Variants in KCNQ1 observed in about 807,000 individuals in gnomAD.
The protein encoded by KCNQ1 is potassium voltage-gated channel subfamily KQT member 1.
In KCNQ1, 49 loss-of-function variants were observed where a neutral mutation model predicts 72.4. The observed-to-expected ratio is 0.68, with a 90% CI of 0.54 to 0.86. The LOEUF (loss-of-function observed/expected upper bound fraction) is 0.86, where lower values mean the gene tolerates loss of function less well. Among genes scored for constraint, KCNQ1 ranks in the 40% least tolerant of loss-of-function variants. KCNQ1 has a pLI of 0.00. For synonymous variants in KCNQ1, 450 were observed against 412.6 expected (o/e 1.09, Z -1.10); for missense variants, 790 against 945.1 (o/e 0.84, Z 2.15).
At chr11:2,797,235 C>T (rs975434153) in intron 15 of KCNQ1, among the ~76,000 whole-genome samples, 11 of 152,152 alleles carry the variant, frequency 7.2e-5, no homozygotes, top group East Asian at 1.9e-4. Context: ...GGCCGGGCAG[C>T]GCTGGCCCCA....
intron 15 of KCNQ1, among the ~76,000 whole-genome samples, chr11:2,833,558 C>T (rs529663366): frequency 2.0e-5 from 3 of 152,336 alleles, no homozygotes; most frequent in East Asian, 1.9e-4. Context: ...ACTGCTGCCC[C>T]GCCAGCAACC....
At chr11:2,801,472 C>T (rs1213128267) in intron 15 of KCNQ1, among the ~76,000 whole-genome samples, 2 of 152,218 alleles carry the variant, frequency 1.3e-5, no homozygotes, top group South Asian at 4.1e-4. Flanking sequence ...AGGGTCGGCT[C>T]CTGGTGAGGG....
intron 15 of KCNQ1, among the ~76,000 whole-genome samples, chr11:2,791,514 T>C (rs1347797691): frequency 1.3e-5 from 2 of 151,796 alleles, no homozygotes; most frequent in East Asian, 3.9e-4. Flanking sequence ...CCATCAAAAA[T>C]AGATGTCCCG....
At chr11:2,650,381 A>G in intron 10 of KCNQ1, 2 of 398,564 alleles carry the variant, frequency 5.0e-6, no homozygotes, top group Non-Finnish European at 8.8e-6. Context: ...AATAACAGAG[A>G]CTTCCAATTT....
intron 2 of KCNQ1, among the ~76,000 whole-genome samples, 161 bp from the exon 3 acceptor site, chr11:2,570,467 C>T (rs1315825287): frequency 8.5e-5 from 13 of 152,318 alleles, no homozygotes; most frequent in East Asian, 5.8e-4. Flanking sequence ...GGCCTCTGTG[C>T]GCAGGCATCA....
At position 2,659,394 on chromosome 11, in the gene KCNQ1, A is replaced by G. The variant is rs1354858646; in HGVS notation, c.1394-2567A>G. On this transcript the variant is annotated intron_variant, in intron 10 of 15. Transcript: ENST00000155840. The surrounding 1 kb of genome is among the most constrained non-coding windows in gnomAD (Gnocchi z 4.3). ...ATCTGGCTTCTTTCACTGCTTAGCA[A>G]AATGCATTTGAGATTCATCCATGTT... The G allele has an allele frequency of 5.0e-6, 2 of 398,508 alleles. No homozygotes were observed. The highest frequency in any genetic ancestry group is 8.8e-6 in the Non-Finnish European group (2 of 226,060). 24.7% of individuals were successfully genotyped at this position (398,508 alleles called of 1,614,324 possible). A position where few individuals can be genotyped will look rare whatever the true frequency, so the allele number is the denominator to read the frequency against.
chr11:2,619,520 T>G (rs924486344), intron 10 of KCNQ1: 35 of 398,584 alleles, frequency 8.8e-5, no homozygotes, highest in African/African-American at 7.2e-4. Flanking sequence ...TAATTCCACA[T>G]AGACATGATA....
At chr11:2,519,308 T>C (rs74048654) in intron 1 of KCNQ1, among the ~76,000 whole-genome samples, 169 of 152,304 alleles carry the variant, frequency 1.1e-3, no homozygotes, top group African/African-American at 3.9e-3. Flanking sequence ...GGCTGAATGG[T>C]GAGAGAGGCG....
chr11:2,483,601 G>C lies in KCNQ1; in HGVS notation c.386+38117G>C, dbSNP rs1846688542. Among the ~76,000 whole-genome samples, 1 of 152,172 alleles carries C rather than the reference G, an allele frequency of 6.6e-6. No homozygotes were observed. Among genetic ancestry groups the C allele is most frequent in the Non-Finnish European group, 1.5e-5 (1 of 68,028 alleles). ...TGTCTTTCGTGACCTTGATGTTTTA[G>C]ATAAGTACTGGGCGGCTGTTTTGTA... On this transcript the variant is annotated intron_variant, in intron 1 of 15. Transcript: ENST00000155840. The surrounding 1 kb of genome is among the most constrained non-coding windows in gnomAD (Gnocchi z 6.1).
At position 2,547,882 on chromosome 11, in the gene KCNQ1, G is replaced by A. The variant is rs555321445; in HGVS notation, c.477+19864G>A. 4.9e-4 allele frequency among the ~76,000 whole-genome samples: 74 copies of A among 152,250 alleles called. No homozygotes were observed. Among genetic ancestry groups the A allele is most frequent in the Non-Finnish European group, 9.0e-4 (61 of 68,046 alleles). Reference sequence around the variant, plus strand: ...CAGGGTCAAGCATTCCTGGCAGAGAGCATGGCACGTGCCAAGACCCGGATG... The same window carrying A: ...CAGGGTCAAGCATTCCTGGCAGAGAACATGGCACGTGCCAAGACCCGGATG... On this transcript the variant is annotated intron_variant, in intron 2 of 15. Transcript: ENST00000155840. The surrounding 1 kb of genome is among the most constrained non-coding windows in gnomAD (Gnocchi z 4.2).
At chr11:2,751,747 A>C (rs1846229996) in intron 11 of KCNQ1, among the ~76,000 whole-genome samples, 1 of 152,252 alleles carries the variant, frequency 6.6e-6, no homozygotes, top group East Asian at 1.9e-4. Flanking sequence ...GGGCAGGCAG[A>C]TCGGGACCCC....
chr11:2,629,445 A>C, intron 10 of KCNQ1: 1 of 398,294 alleles, frequency 2.5e-6, no homozygotes, highest in Non-Finnish European at 4.4e-6. Context: ...TTTTCTTCTA[A>C]GAGTTTTATA....
rs899757447 is a variant in KCNQ1 at position 2,724,702 on chromosome 11, G to A, written c.1515-44142G>A. On this transcript the variant is annotated intron_variant, in intron 11 of 15. Coordinates refer to ENST00000155840, the MANE Select transcript of KCNQ1 (RefSeq NM_000218.3). This position sits in a 1 kb window ranked among gnomAD's most constrained non-coding sequence, Gnocchi z 6.8. ...ACTGTGATTGTCCTGGGCTCACAGA[G>A]GAGGACGTGGGGACCTGCCCAAGGA... is the stretch of plus-strand genomic sequence containing the variant. 1.3e-5 allele frequency among the ~76,000 whole-genome samples: 2 copies of A among 152,222 alleles called. No individual in the cohort carries two copies. The highest frequency in any genetic ancestry group is 2.9e-5 in the Non-Finnish European group (2 of 68,028).
Position 2,645,633 on chromosome 11 carries a change from C to T in KCNQ1, c.1394-16328C>T. The T allele has an allele frequency of 2.5e-6, 1 of 398,778 alleles. No homozygotes were observed. Among genetic ancestry groups the T allele is most frequent in the Non-Finnish European group, 4.4e-6 (1 of 226,172 alleles). 24.7% of individuals were successfully genotyped at this position (398,778 alleles called of 1,614,324 possible). On this transcript the variant is annotated intron_variant, in intron 10 of 15. Coordinates refer to ENST00000155840, the MANE Select transcript of KCNQ1 (RefSeq NM_000218.3). The surrounding 1 kb of genome is among the most constrained non-coding windows in gnomAD (Gnocchi z 5.8). ...GACTATGGGCAGGGTCACCTTTCCTCATGGCAGCCTTGCTTCGGAGGTAGC... is the reference window on the plus strand; with the variant it reads ...GACTATGGGCAGGGTCACCTTTCCTTATGGCAGCCTTGCTTCGGAGGTAGC...
intron 2 of KCNQ1, among the ~76,000 whole-genome samples, chr11:2,540,226 G>A (rs1201284327): frequency 2.6e-5 from 4 of 152,208 alleles, no homozygotes; most frequent in Non-Finnish European, 5.9e-5. Context: ...GGTGCCAGGG[G>A]AACCCCCTAG....
At position 2,532,197 on chromosome 11, in the gene KCNQ1, C is replaced by T. The variant is rs527907769; in HGVS notation, c.477+4179C>T. On this transcript the variant is annotated intron_variant, in intron 2 of 15. Coordinates refer to ENST00000155840, the MANE Select transcript of KCNQ1 (RefSeq NM_000218.3). ...TGGGAGGCTCACAAGCATCTGTCTG[C>T]CTCAGGCCATTCCACACTCCCTGAG... Among the ~76,000 whole-genome samples, 20 of 152,302 alleles carry T rather than the reference C, an allele frequency of 1.3e-4. No homozygotes were observed. The East Asian group carries it at 3.9e-3, about 29-fold the overall frequency.
At chr11:2,596,327 A>C (rs117038599) in intron 10 of KCNQ1, among the ~76,000 whole-genome samples, 55 of 152,204 alleles carry the variant, frequency 3.6e-4, no homozygotes, top group African/African-American at 1.3e-3. Flanking sequence ...CAGCGATTCT[A>C]TTCCTAGGTA....
At chr11:2,846,914 C>T (rs1397286293) in intron 15 of KCNQ1, among the ~76,000 whole-genome samples, 4 of 152,240 alleles carry the variant, frequency 2.6e-5, no homozygotes, top group African/African-American at 9.6e-5. Flanking sequence ...AGGGCAGCCA[C>T]CCTGGCACAT....
chr11:2,537,458 C>T lies in KCNQ1; in HGVS notation c.477+9440C>T, dbSNP rs1021358425. On this transcript the variant is annotated intron_variant, in intron 2 of 15. Coordinates refer to ENST00000155840, the MANE Select transcript of KCNQ1 (RefSeq NM_000218.3). This position sits in a 1 kb window ranked among gnomAD's most constrained non-coding sequence, Gnocchi z 5.2. ...TTTTGGGAAAATAGAAGTGGGAGAG[C>T]GTGTGCCCCGGGCCAGCCCACCGTG... Among the ~76,000 whole-genome samples the T allele has an allele frequency of 9.2e-5, 14 of 152,052 alleles. No individual in the cohort carries two copies. The highest frequency in any genetic ancestry group is 4.1e-4 in the South Asian group (2 of 4,832).
Sources: gnomAD v4.1 joint callset for allele counts (sites outside exome capture counted in the v4.1 genomes callset) on GRCh38, gnomAD v4.1.1 for gene constraint, Gnocchi (gnomAD v3.1) non-coding constraint, MANE v1.5 for transcripts, NCBI Gene and HGNC (gene_info 2026-07-23, HGNC 2026-07-21) for gene names.